The following TAFA1 variants were observed in gnomAD, a reference collection of about 807,000 sequenced individuals.
The protein encoded by TAFA1 is TAFA chemokine like family member 1.
TAFA1 carries 4 observed loss-of-function variants against 18.5 expected under a neutral mutation model. The observed-to-expected ratio is 0.22, with a 90% CI of 0.11 to 0.49. The LOEUF (loss-of-function observed/expected upper bound fraction) is 0.49. Among genes scored for constraint, TAFA1 ranks in the 20% least tolerant of loss-of-function variants. The pLI is 0.98. For synonymous variants in TAFA1, 56 were observed against 55.2 expected (o/e 1.01, Z -0.06); for missense variants, 147 against 169.0 (o/e 0.87, Z 0.72).
chr3:68,260,200 T>C lies in TAFA1; in HGVS notation c.119-157080T>C, dbSNP rs527405951. On this transcript the variant is annotated intron_variant, in intron 2 of 4. Coordinates refer to ENST00000478136, the MANE Select transcript of TAFA1 (RefSeq NM_213609.4). ...TTCTGCATCTATTGAGATAATCATG[T>C]GGTTTTTGTCTTTGGTTCTGTTTAT... is the stretch of plus-strand genomic sequence containing the variant. 2.8e-4 allele frequency among the ~76,000 whole-genome samples: 42 copies of C among 152,236 alleles called. No homozygotes were observed. The South Asian group carries it at 8.5e-3, about 31-fold the overall frequency.
chr3:68,127,514 G>A (rs1369953636), intron 2 of TAFA1, among the ~76,000 whole-genome samples: 1 of 131,850 alleles, frequency 7.6e-6, no homozygotes, highest in East Asian at 2.2e-4. Context: ...ATGGGTTTGG[G>A]TGAAACATGG....
chr3:68,333,779 T>G (rs1027009996), intron 2 of TAFA1, among the ~76,000 whole-genome samples: 1 of 152,200 alleles, frequency 6.6e-6, no homozygotes, highest in African/African-American at 2.4e-5. Flanking sequence ...TCACCACAAG[T>G]GTTCATTAAT....
At chr3:68,289,209 A>T (rs1213621997) in intron 2 of TAFA1, among the ~76,000 whole-genome samples, 2 of 152,190 alleles carry the variant, frequency 1.3e-5, no homozygotes, top group African/African-American at 2.4e-5. Flanking sequence ...TATGTTGCAT[A>T]TGAATTTTCT....
intron 3 of TAFA1, among the ~76,000 whole-genome samples, chr3:68,462,414 T>C (rs1364950460): frequency 6.6e-6 from 1 of 152,104 alleles, no homozygotes; most frequent in Admixed American, 6.6e-5. Context: ...GCACATGCCC[T>C]CTTGCCTGCC....
rs574587883 is a variant in TAFA1, at chr3:68,473,664, G to T, written c.259+56244G>T. Among the ~76,000 whole-genome samples, 3 of 152,252 alleles carry T rather than the reference G, an allele frequency of 2.0e-5. No homozygotes were observed. The East Asian group carries it at 5.8e-4, about 29-fold the overall frequency. Reference sequence around the variant, plus strand: ...TACCAAGCCTCAGGTCTCTGCAGTTGTCTGCCCTCATAGGCCCAGTGCAGG... The same window carrying T: ...TACCAAGCCTCAGGTCTCTGCAGTTTTCTGCCCTCATAGGCCCAGTGCAGG... On this transcript the variant is annotated intron_variant, in intron 3 of 4. Transcript: ENST00000478136.
At chr3:67,995,757 T>C in the TAFA1 span, among the ~76,000 whole-genome samples, 1 of 152,136 alleles carries the variant, frequency 6.6e-6, no homozygotes, top group African/African-American at 2.4e-5. Context: ...AGGTTGGAGA[T>C]GCACATTTAG....
At chr3:68,279,765 C>G (rs1050730431) in intron 2 of TAFA1, among the ~76,000 whole-genome samples, 1 of 151,986 alleles carries the variant, frequency 6.6e-6, no homozygotes, top group Non-Finnish European at 1.5e-5. Context: ...GGGTGGCGTT[C>G]CCAGATACTA....
intron 2 of TAFA1, among the ~76,000 whole-genome samples, chr3:68,094,247 G>T (rs2065060917): frequency 6.6e-6 from 1 of 152,040 alleles, no homozygotes; most frequent in Non-Finnish European, 1.5e-5. Flanking sequence ...ACTTTGGTGG[G>T]TTTGTGGGTG....
At chr3:68,231,582 G>C (rs971366605) in intron 2 of TAFA1, among the ~76,000 whole-genome samples, 20 of 149,896 alleles carry the variant, frequency 1.3e-4, no homozygotes, top group African/African-American at 4.7e-4. Flanking sequence ...GGATGGTCTC[G>C]ATCTCCTGAC....
intron 2 of TAFA1, among the ~76,000 whole-genome samples, chr3:68,214,758 T>C (rs981987703): frequency 1.3e-5 from 2 of 152,108 alleles, no homozygotes; most frequent in Non-Finnish European, 2.9e-5. Context: ...CAGTTTGCCC[T>C]TTCAAACTAC....
intron 2 of TAFA1, among the ~76,000 whole-genome samples, chr3:68,124,215 G>A (rs1000440085): frequency 3.3e-5 from 5 of 152,168 alleles, no homozygotes; most frequent in Non-Finnish European, 5.9e-5. Flanking sequence ...TGGTAACAGG[G>A]ATTTTATAAT....
intron 2 of TAFA1, among the ~76,000 whole-genome samples, chr3:68,206,681 A>G (rs1180126233): frequency 6.6e-6 from 1 of 151,930 alleles, no homozygotes; most frequent in East Asian, 1.9e-4. Flanking sequence ...ATCTGGCAAA[A>G]TATTTCTGTG....
chr3:68,371,588 G>C (rs2069708014), intron 2 of TAFA1, among the ~76,000 whole-genome samples: 1 of 152,112 alleles, frequency 6.6e-6, no homozygotes, highest in South Asian at 2.1e-4. Flanking sequence ...AGTATTCCAT[G>C]ATGTATATGT....
At chr3:68,159,561 C>G (rs6782344) in intron 2 of TAFA1, among the ~76,000 whole-genome samples, 2 of 151,906 alleles carry the variant, frequency 1.3e-5, no homozygotes, top group Non-Finnish European at 2.9e-5. Context: ...CCTGCTCCCC[C>G]CTTCCTACTT....
chr3:68,235,139 A>AT (rs140716396), intron 2 of TAFA1, among the ~76,000 whole-genome samples: 13,544 of 152,194 alleles, frequency 0.089, 727 homozygotes, highest in Admixed American at 0.18. Flanking sequence ...GATCTTAACT[A>AT]TTTTATTTCC....
upstream of TAFA1, among the ~76,000 whole-genome samples, chr3:68,001,219 G>A (rs978684208): frequency 1.3e-5 from 2 of 152,148 alleles, no homozygotes; most frequent in Non-Finnish European, 2.9e-5. Flanking sequence ...AGAAGCGTAA[G>A]AACAAAAGAA....
At chr3:68,301,760 G>A (rs2068306558) in intron 2 of TAFA1, among the ~76,000 whole-genome samples, 1 of 152,184 alleles carries the variant, frequency 6.6e-6, no homozygotes, top group Non-Finnish European at 1.5e-5. Flanking sequence ...TCAGAAGTCG[G>A]TCAGATGACT....
intron 3 of TAFA1, among the ~76,000 whole-genome samples, chr3:68,537,721 T>C (rs2073298224): frequency 6.6e-6 from 1 of 152,206 alleles, no homozygotes; most frequent in South Asian, 2.1e-4. Flanking sequence ...TCTCACACTA[T>C]GTCAAAGAAG....
intron 3 of TAFA1, among the ~76,000 whole-genome samples, chr3:68,425,049 A>G (rs1012427529): frequency 1.3e-5 from 2 of 152,010 alleles, no homozygotes; most frequent in African/African-American, 4.8e-5. Flanking sequence ...AACTGATCCT[A>G]TACTGATGTG....
Sources: gnomAD v4.1 joint callset for allele counts (sites outside exome capture counted in the v4.1 genomes callset) on GRCh38, gnomAD v4.1.1 for gene constraint, MANE v1.5 for transcripts, NCBI Gene and HGNC (gene_info 2026-07-23, HGNC 2026-07-21) for gene names.